PDGFRA: variants seen among roughly 807,000 people sequenced by gnomAD.
PDGFRA encodes platelet derived growth factor receptor alpha.
In PDGFRA, 25 loss-of-function variants were observed where a neutral mutation model predicts 121.5. The observed-to-expected ratio is 0.21, with a 90% CI of 0.15 to 0.29. The LOEUF (loss-of-function observed/expected upper bound fraction) is 0.29. Among genes scored for constraint, PDGFRA ranks in the 10% least tolerant of loss-of-function variants. The pLI is 1.00. For synonymous variants in PDGFRA, 463 were observed against 494.8 expected, an observed-to-expected ratio of 0.94 and a Z score of 0.85; for missense variants, 1,008 against 1,345.1, an observed-to-expected ratio of 0.75 and a Z score of 3.92.
At chr4:54,281,491 G>A (rs991407322) in intron 16 of PDGFRA, 15 of 849,598 alleles carry the variant, frequency 1.8e-5, no homozygotes, top group Admixed American at 3.1e-5. Context: ...ACTTCCAAGC[G>A]CTTTTAAAAG....
At chr4:54,251,502 C>G (rs1396565062) in intron 1 of PDGFRA, among the ~76,000 whole-genome samples, 4 of 152,046 alleles carry the variant, frequency 2.6e-5, no homozygotes, top group African/African-American at 9.7e-5. Flanking sequence ...TGTAATAGGA[C>G]ACAATTAAAG....
intron 1 of PDGFRA, among the ~76,000 whole-genome samples, chr4:54,253,691 T>C (rs1722191805): frequency 6.6e-6 from 1 of 152,156 alleles, no homozygotes; most frequent in African/African-American, 2.4e-5. Context: ...TCTTTTTTTC[T>C]TTTTTCTTTT....
chr4:54,236,944 TG>T (rs1366838708), intron 1 of PDGFRA, among the ~76,000 whole-genome samples: 1 of 152,164 alleles, frequency 6.6e-6, no homozygotes, highest in African/African-American at 2.4e-5. Flanking sequence ...TCCTTCCTGA[TG>T]GCTTGCTCAG....
intron 1 of PDGFRA, among the ~76,000 whole-genome samples, chr4:54,232,922 G>C (rs980866452): frequency 2.6e-5 from 4 of 152,168 alleles, no homozygotes; most frequent in Non-Finnish European, 5.9e-5. Context: ...GCGCATGCTA[G>C]CTCTCCTCAG....
intron 1 of PDGFRA, among the ~76,000 whole-genome samples, chr4:54,244,292 G>A (rs2110197250): frequency 6.6e-6 from 1 of 152,326 alleles, no homozygotes; most frequent in Middle Eastern, 3.4e-3. Context: ...CCTGACCCCT[G>A]AGCAGCCTAA....
rs768809451 is a variant in PDGFRA at position 54,288,990 on chromosome 4, T to G, written c.2775-19T>G. 1.9e-6 allele frequency: 3 copies of G among 1,573,000 alleles called. No individual in the cohort carries two copies. In the Admixed American group the frequency reaches 5.0e-5, roughly 26 times the overall value. On this transcript the variant is annotated intron_variant, in intron 20 of 22. Coordinates refer to ENST00000257290, the MANE Select transcript of PDGFRA (RefSeq NM_006206.6). ...CTGAGACTTCCCCCTGTGCCCACTC[T>G]TGAGTTCTGTCCCCACAGCTACGAG...
chr4:54,248,345 A>G (rs1350571679), intron 1 of PDGFRA, among the ~76,000 whole-genome samples: 2 of 152,262 alleles, frequency 1.3e-5, no homozygotes, highest in African/African-American at 2.4e-5. Flanking sequence ...CCAAAACAGC[A>G]TGGTACTGGT....
intron 7 of PDGFRA, among the ~76,000 whole-genome samples, chr4:54,269,728 C>T (rs560595081): frequency 8.8e-4 from 133 of 151,288 alleles, no homozygotes; most frequent in African/African-American, 2.9e-3. Context: ...CTGCAACCTC[C>T]GCCTCCTGGG....
In PDGFRA at chr4:54,270,754, T is replaced by C. The variant is rs776442219; in HGVS notation, c.1237+6T>C. ...TTTTGAACTGTTAACTCAAGGTATG[T>C]AAAGGGAGTATAAAGATAATGCTAG... On this transcript the variant is annotated splice_donor_region_variant and intron_variant, in intron 8 of 22. Transcript: ENST00000257290. The C allele has an allele frequency of 7.0e-7, 1 of 1,426,016 alleles. No homozygotes were observed. Among genetic ancestry groups the C allele is most frequent in the Non-Finnish European group, 9.9e-7 (1 of 1,008,714 alleles). 88.3% of individuals were successfully genotyped at this position (1,426,016 alleles called of 1,614,324 possible).
rs34529347 is a variant in PDGFRA at position 54,296,367 on chromosome 4, G to GTTTTT, written c.*1107_*1111dup. 7 of 204,278 alleles carry GTTTTT rather than the reference G, an allele frequency of 3.4e-5. No homozygotes were observed. The highest frequency in any genetic ancestry group is 6.8e-5 in the Non-Finnish European group (7 of 103,046). 12.7% of individuals were successfully genotyped at this position (204,278 alleles called of 1,614,324 possible). A position where few individuals can be genotyped will look rare whatever the true frequency, so the allele number is the denominator to read the frequency against. ...CAGCAAAAAGACTGGATTTGCAGAA[G>GTTTTT]TTTTTTTTTTTTTTTTCTTCATGCC... On this transcript the variant is annotated 3_prime_UTR_variant, in exon 23 of 23. Transcript: ENST00000257290.
chr4:54,264,597 T>C, intron 4 of PDGFRA: 1 of 338,048 alleles, frequency 3.0e-6, no homozygotes, highest in Non-Finnish European at 5.7e-6. Context: ...GTTGGTTGAT[T>C]AAATGAATAA....
chr4:54,249,911 A>G (rs2110213491), intron 1 of PDGFRA, among the ~76,000 whole-genome samples: 1 of 152,290 alleles, frequency 6.6e-6, no homozygotes, highest in East Asian at 1.9e-4. Flanking sequence ...CTACTCTGTA[A>G]CAGAAAATTG....
intron 1 of PDGFRA, among the ~76,000 whole-genome samples, chr4:54,231,572 C>A (rs1201034176): frequency 6.6e-6 from 1 of 152,250 alleles, no homozygotes; most frequent in Non-Finnish European, 1.5e-5. Context: ...TGAATTGCAT[C>A]CCCTCTTCTC....
intron 1 of PDGFRA, among the ~76,000 whole-genome samples, chr4:54,248,003 A>T (rs1364206358): frequency 6.6e-6 from 1 of 152,172 alleles, no homozygotes; most frequent in Non-Finnish European, 1.5e-5. Context: ...TAGGAATCCA[A>T]CTTACAAGGG....
chr4:54,234,770 A>G (rs1720919745), intron 1 of PDGFRA, among the ~76,000 whole-genome samples: 1 of 152,166 alleles, frequency 6.6e-6, no homozygotes, highest in Non-Finnish European at 1.5e-5. Context: ...GGTGACCTCA[A>G]GCCGAATGCT....
chr4:54,240,045 GT>G, intron 1 of PDGFRA: 3 of 421,766 alleles, frequency 7.1e-6, no homozygotes, highest in Admixed American at 2.5e-5. Context: ...TAGAGACGGG[GT>G]TTTGCCATGC....
chr4:54,249,602 A>C (rs898751771), intron 1 of PDGFRA, among the ~76,000 whole-genome samples: 1 of 151,968 alleles, frequency 6.6e-6, no homozygotes, highest in African/African-American at 2.4e-5. Context: ...ACACGGACAC[A>C]GGAAGGGGAA....
rs191225404 is a variant in PDGFRA, at chr4:54,293,152, A to G, written c.3123-1973A>G. Among the ~76,000 whole-genome samples the G allele has an allele frequency of 1.9e-3, 286 of 152,260 alleles. 2 individuals are homozygous for G. In the South Asian group the frequency reaches 0.023, roughly 12 times the overall value. ...CTATGTCTCTATTTTTTGCCCTCTT[A>G]CATATTATTTGTGAAGAAACCATAG... On this transcript the variant is annotated intron_variant, in intron 22 of 22. Coordinates refer to ENST00000257290, the MANE Select transcript of PDGFRA (RefSeq NM_006206.6).
intron 19 of PDGFRA, 139 bp from the exon 20 acceptor site, chr4:54,288,660 A>G (rs1724472389): frequency 5.5e-6 from 4 of 721,344 alleles, no homozygotes; most frequent in Non-Finnish European, 1.0e-5. Flanking sequence ...GGAGATGATG[A>G]CACTGAATTT....
Sources: gnomAD v4.1 joint callset for allele counts (sites outside exome capture counted in the v4.1 genomes callset) on GRCh38, gnomAD v4.1.1 for gene constraint, MANE v1.5 for transcripts, NCBI Gene and HGNC (gene_info 2026-07-23, HGNC 2026-07-21) for gene names.